The following AP2B1 variants were observed in gnomAD, a reference collection of about 807,000 sequenced individuals.
AP2B1 encodes adaptor related protein complex 2 subunit beta 1.
AP2B1 carries 23 observed loss-of-function variants against 102.0 expected under a neutral mutation model. That is an observed-to-expected ratio of 0.23 (90% CI 0.16 to 0.32). The LOEUF is 0.32. Ranked by LOEUF, AP2B1 falls within the 10% of genes least tolerant of loss-of-function variation. AP2B1 has a pLI of 1.00. For synonymous variants in AP2B1, 381 were observed against 421.2 expected (o/e 0.90, Z 1.17); for missense variants, 541 against 1,157.4 (o/e 0.47, Z 7.73).
intron 12 of AP2B1, among the ~76,000 whole-genome samples, chr17:35,643,945 A>G (rs560190340): frequency 2.0e-5 from 3 of 152,174 alleles, no homozygotes. Flanking sequence ...TTAGAATCAC[A>G]TTTAACAATC....
intron 16 of AP2B1, among the ~76,000 whole-genome samples, chr17:35,673,648 A>G (rs1396771344): frequency 6.6e-6 from 1 of 152,192 alleles, no homozygotes; most frequent in African/African-American, 2.4e-5. Flanking sequence ...AAACTATAGC[A>G]AGAGTTAAAA....
At chr17:35,718,046 A>G (rs1314032923) in intron 21 of AP2B1, among the ~76,000 whole-genome samples, 2 of 152,166 alleles carry the variant, frequency 1.3e-5, no homozygotes, top group Non-Finnish European at 2.9e-5. Flanking sequence ...AAGTAAAGGA[A>G]AAACCCTTGG....
intron 10 of AP2B1, among the ~76,000 whole-genome samples, chr17:35,637,311 A>G (rs1246540555): frequency 2.0e-5 from 3 of 151,806 alleles, no homozygotes; most frequent in Admixed American, 6.6e-5. Context: ...CAGCTTCCCA[A>G]GTAGCTATGA....
chr17:35,674,355 A>G (rs2142972094), intron 17 of AP2B1, 34 bp downstream of exon 17: 1 of 1,611,778 alleles, frequency 6.2e-7, no homozygotes, highest in Non-Finnish European at 8.5e-7. Context: ...TGATGTTGAG[A>G]CAACAGTTTG....
At chr17:35,628,858 A>G (rs2074387289) in intron 9 of AP2B1, among the ~76,000 whole-genome samples, 1 of 152,096 alleles carries the variant, frequency 6.6e-6, no homozygotes, top group East Asian at 1.9e-4. Context: ...TGCAAAATTT[A>G]TGCATATTAC....
intron 14 of AP2B1, chr17:35,659,963 A>C (rs963502710): frequency 1.0e-6 from 1 of 985,346 alleles, no homozygotes; most frequent in Non-Finnish European, 1.2e-6. Context: ...GTGTGGAAGA[A>C]GATGAGTTTC....
intron 18 of AP2B1, among the ~76,000 whole-genome samples, chr17:35,703,930 C>T (rs1289184605): frequency 1.3e-5 from 2 of 152,190 alleles, no homozygotes; most frequent in African/African-American, 4.8e-5. Context: ...TGATTTCCCT[C>T]AAGCAATCTA....
At chr17:35,696,894 A>G (rs2076151607) in intron 18 of AP2B1, among the ~76,000 whole-genome samples, 1 of 152,208 alleles carries the variant, frequency 6.6e-6, no homozygotes, top group African/African-American at 2.4e-5. Flanking sequence ...TATGTCTCCC[A>G]GGGCCTGGAA....
chr17:35,589,981 A>G (rs1175568681), intron 1 of AP2B1, among the ~76,000 whole-genome samples: 3 of 133,098 alleles, frequency 2.3e-5, no homozygotes, highest in Non-Finnish European at 4.6e-5. Flanking sequence ...GCTGGAGTGC[A>G]GTGGCGCGAT....
In AP2B1 at chr17:35,626,873, G is replaced by T. The variant is rs373704222; in HGVS notation, c.938+31G>T. On this transcript the variant is annotated intron_variant, in intron 7 of 21. Transcript: ENST00000610402. ...GAAATAGCGAAGTGTTGATTAAAGT[G>T]TTTGTAATTTTGCATTAAGCTTAAT... The T allele has an allele frequency of 7.5e-6, 12 of 1,590,860 alleles. No homozygotes were observed. The African/African-American group carries it at 1.1e-4, about 14-fold the overall frequency.
At chr17:35,673,941 T>A (rs374312198) in intron 16 of AP2B1, among the ~76,000 whole-genome samples, 1 of 152,194 alleles carries the variant, frequency 6.6e-6, no homozygotes, top group East Asian at 1.9e-4. Context: ...TTTTTAAAAT[T>A]ATTATTATTT....
chr17:35,644,104 G>T (rs760178979), intron 12 of AP2B1, among the ~76,000 whole-genome samples: 1 of 152,134 alleles, frequency 6.6e-6, no homozygotes, highest in African/African-American at 2.4e-5. Flanking sequence ...GTTAGTAAAC[G>T]ATTTCTATTT....
At chr17:35,660,344 C>T (rs1475234804) in intron 14 of AP2B1, among the ~76,000 whole-genome samples, 1 of 152,094 alleles carries the variant, frequency 6.6e-6, no homozygotes, top group Non-Finnish European at 1.5e-5. Flanking sequence ...AACAAGGTGA[C>T]ACTGAAGCTG....
At position 35,657,583 on chromosome 17, in the gene AP2B1, G is replaced by T; in HGVS notation, c.1797-16G>T. 6.3e-7 allele frequency: 1 copy of T among 1,595,180 alleles called. No homozygotes were observed. Among genetic ancestry groups the T allele is most frequent in the Non-Finnish European group, 8.6e-7 (1 of 1,167,656 alleles). On this transcript the variant is annotated splice_polypyrimidine_tract_variant and intron_variant, in intron 13 of 21. Transcript: ENST00000610402. ...GACTTTTCTCTTTTCTCCATTTTAT[G>T]TGTATGTGACTTTAGCACTGATGCA...
At chr17:35,640,491 G>T (rs990501476) in intron 11 of AP2B1, among the ~76,000 whole-genome samples, 2 of 151,980 alleles carry the variant, frequency 1.3e-5, no homozygotes, top group South Asian at 4.2e-4. Flanking sequence ...ACTTACCTCG[G>T]CTTCCCAAAG....
rs1452918507 is a variant in AP2B1, at chr17:35,587,402, C to CCGCCCT, written c.-45_-40dup. On this transcript the variant is annotated 5_prime_UTR_variant, in exon 1 of 22. Transcript: ENST00000610402. ...TGCTCTCCGGCTCCCGCCGCCACCC[C>CCGCCCT]CGCCCTCGCCTTCGCCTCCGCCTCC... 6.5e-6 allele frequency: 1 copy of CCGCCCT among 153,540 alleles called. No individual in the cohort carries two copies. The highest frequency in any genetic ancestry group is 1.9e-4 in the East Asian group (1 of 5,238). The allele number at this position is 153,540 out of a possible 1,614,324, so 9.5% of individuals were successfully genotyped here.
chr17:35,687,708 G>A (rs940920701), intron 18 of AP2B1, among the ~76,000 whole-genome samples: 1 of 151,946 alleles, frequency 6.6e-6, no homozygotes, highest in South Asian at 2.1e-4. Context: ...GTGTCACCAC[G>A]CCTAGCTAAT....
intron 7 of AP2B1, 94 bp downstream of exon 7, chr17:35,626,936 T>A: frequency 8.3e-7 from 1 of 1,207,792 alleles, no homozygotes. Context: ...AATCTCTTTT[T>A]AATATATGGA....
chr17:35,682,099 A>T (rs587732836), intron 17 of AP2B1, among the ~76,000 whole-genome samples: 1 of 152,188 alleles, frequency 6.6e-6, no homozygotes, highest in Admixed American at 6.5e-5. Context: ...TACTAAAAAT[A>T]CAAAAATTAG....
Sources: gnomAD v4.1 joint callset for allele counts (sites outside exome capture counted in the v4.1 genomes callset) on GRCh38, gnomAD v4.1.1 for gene constraint, MANE v1.5 for transcripts, NCBI Gene and HGNC (gene_info 2026-07-23, HGNC 2026-07-21) for gene names.